Variants in TMTC1 observed in about 807,000 individuals in gnomAD.
The protein encoded by TMTC1 is transmembrane O-mannosyltransferase targeting cadherins 1.
Under a neutral mutation model 104.8 loss-of-function variants are expected in TMTC1, and 73 were observed. The ratio of observed to expected loss-of-function variants is 0.70; its 90% CI spans 0.58 to 0.85. TMTC1 has a LOEUF of 0.85. Among genes scored for constraint, TMTC1 ranks in the 40% least tolerant of loss-of-function variants. TMTC1 has a pLI of 0.00. For missense variants in TMTC1, 1,035 were observed against 1,096.1 expected (o/e 0.94, Z 0.79); for synonymous variants, 434 against 428.7 (o/e 1.01, Z -0.15).
At chr12:29,591,930 A>C (rs1478942558) in intron 7 of TMTC1, among the ~76,000 whole-genome samples, 3 of 152,210 alleles carry the variant, frequency 2.0e-5, no homozygotes, top group Non-Finnish European at 4.4e-5. Flanking sequence ...AAACAAAACA[A>C]AACACTTCTC....
intron 5 of TMTC1, among the ~76,000 whole-genome samples, chr12:29,689,254 C>G (rs1286283159): frequency 6.8e-6 from 1 of 147,812 alleles, no homozygotes; most frequent in Non-Finnish European, 1.5e-5. Context: ...TTTGCTTAAG[C>G]CACTGGTTTT....
At chr12:29,541,697 C>G (rs562614070) in intron 10 of TMTC1, among the ~76,000 whole-genome samples, 6 of 132,868 alleles carry the variant, frequency 4.5e-5, no homozygotes, top group Non-Finnish European at 9.2e-5. Context: ...CTTGCTCTGT[C>G]GCCCAGGCTG....
chr12:29,511,251 A>T (rs1335359712), intron 17 of TMTC1, among the ~76,000 whole-genome samples: 1 of 148,794 alleles, frequency 6.7e-6, no homozygotes, highest in African/African-American at 2.6e-5. Context: ...GTATTAATAT[A>T]TCAACTCCTC....
At chr12:29,742,701 T>G (rs905300398) in intron 5 of TMTC1, among the ~76,000 whole-genome samples, 10 of 152,208 alleles carry the variant, frequency 6.6e-5, no homozygotes, top group African/African-American at 2.4e-4. Flanking sequence ...TAAGAATAAC[T>G]CTAAATATGC....
At chr12:29,695,791 TTTTATATA>T (rs1479330847) in intron 5 of TMTC1, among the ~76,000 whole-genome samples, 6 of 95,240 alleles carry the variant, frequency 6.3e-5, no homozygotes, top group East Asian at 3.2e-4. Flanking sequence ...ACTACTTCCT[TTTTATATA>T]TATATATATA....
intron 10 of TMTC1, among the ~76,000 whole-genome samples, chr12:29,554,316 C>T (rs2136249897): frequency 6.6e-6 from 1 of 151,956 alleles, no homozygotes; most frequent in South Asian, 2.1e-4. Context: ...TTTTCCACCA[C>T]AGTTGTACAC....
intron 6 of TMTC1, among the ~76,000 whole-genome samples, chr12:29,606,984 T>C (rs1212681542): frequency 2.8e-5 from 4 of 141,996 alleles, no homozygotes; most frequent in Non-Finnish European, 4.6e-5. Flanking sequence ...CCCCCCCCCC[T>C]CACTCACGGA....
chr12:29,719,059 G>A (rs1942163071), intron 5 of TMTC1, among the ~76,000 whole-genome samples: 1 of 152,062 alleles, frequency 6.6e-6, no homozygotes, highest in Admixed American at 6.6e-5. Flanking sequence ...CTTCGAGACT[G>A]GAATGCAGCT....
chr12:29,723,124 A>G (rs1257608389), intron 5 of TMTC1, among the ~76,000 whole-genome samples: 1 of 152,082 alleles, frequency 6.6e-6, no homozygotes, highest in African/African-American at 2.4e-5. Context: ...AGCTTTACAC[A>G]GAAAACTGTA....
At position 29,503,077 on chromosome 12, in the gene TMTC1, C is replaced by T. The variant is rs536265305; in HGVS notation, c.*3769G>A. 2.6e-5 allele frequency: 4 copies of T among 152,328 alleles called. No homozygotes were observed. In the South Asian group the frequency reaches 6.2e-4, roughly 24 times the overall value. The allele number at this position is 152,328 out of a possible 1,614,324, so 9.4% of individuals were successfully genotyped here. Reference sequence around the variant, plus strand: ...GTTTGGATTTTCTCATTTAGTCTGACTGAAAGGCCGTTGCGCAGAGGCATT... The same window carrying T: ...GTTTGGATTTTCTCATTTAGTCTGATTGAAAGGCCGTTGCGCAGAGGCATT... On this transcript the variant is annotated 3_prime_UTR_variant, in exon 18 of 18. Transcript: ENST00000539277.
At chr12:29,566,999 C>T (rs1267986583) in intron 9 of TMTC1, among the ~76,000 whole-genome samples, 1 of 152,200 alleles carries the variant, frequency 6.6e-6, no homozygotes, top group Non-Finnish European at 1.5e-5. Flanking sequence ...CAGGGAGTTG[C>T]CTCCCCAAGG....
intron 5 of TMTC1, among the ~76,000 whole-genome samples, chr12:29,652,204 C>T (rs1286452722): frequency 6.6e-6 from 1 of 152,126 alleles, no homozygotes; most frequent in East Asian, 1.9e-4. Context: ...AGGGAAAATG[C>T]AATGGGAGAT....
chr12:29,640,677 TC>T (rs1565730471), intron 5 of TMTC1: 1 of 152,120 alleles, frequency 6.6e-6, no homozygotes, highest in Non-Finnish European at 1.5e-5. Flanking sequence ...ACCACAGGGA[TC>T]CAATGGGAGA....
At chr12:29,597,972 T>C (rs1029195513) in intron 7 of TMTC1, among the ~76,000 whole-genome samples, 1 of 152,212 alleles carries the variant, frequency 6.6e-6, no homozygotes, top group African/African-American at 2.4e-5. Flanking sequence ...TTGTCTTTCT[T>C]TCTCCTTTCA....
chr12:29,605,646 AC>A (rs1851025185), intron 6 of TMTC1, among the ~76,000 whole-genome samples: 1 of 151,470 alleles, frequency 6.6e-6, no homozygotes, highest in Non-Finnish European at 1.5e-5. Flanking sequence ...TTTAGACTAT[AC>A]TTTGGGTTTA....
intron 6 of TMTC1, among the ~76,000 whole-genome samples, chr12:29,623,831 T>TTAAATTAAATTAAATG: frequency 1.6e-5 from 1 of 64,122 alleles, no homozygotes; most frequent in African/African-American, 1.3e-4. Context: ...ATAAATAAAT[T>TTAAATTAAATTAAATG]AAATTAAATT....
intron 12 of TMTC1, 89 bp from the exon 13 acceptor site, chr12:29,518,696 T>C (rs1410262177): frequency 2.7e-6 from 4 of 1,492,962 alleles, no homozygotes; most frequent in Non-Finnish European, 3.6e-6. Context: ...TTATAATTCT[T>C]TCTCATTATT....
chr12:29,769,024 T>G (rs149437238), intron 1 of TMTC1, among the ~76,000 whole-genome samples: 1 of 152,268 alleles, frequency 6.6e-6, no homozygotes, highest in African/African-American at 2.4e-5. Context: ...TCTAGTCAAT[T>G]TTACCAAAAC....
intron 5 of TMTC1, among the ~76,000 whole-genome samples, chr12:29,672,764 A>G (rs527378218): frequency 2.9e-4 from 44 of 152,304 alleles, no homozygotes; most frequent in African/African-American, 1.0e-3. Context: ...GACATTTGGC[A>G]TCCTGGGCTT....
Sources: gnomAD v4.1 joint callset for allele counts (sites outside exome capture counted in the v4.1 genomes callset) on GRCh38, gnomAD v4.1.1 for gene constraint, MANE v1.5 for transcripts, NCBI Gene and HGNC (gene_info 2026-07-23, HGNC 2026-07-21) for gene names.